LINGO2: variants seen among roughly 807,000 people sequenced by gnomAD.
LINGO2 encodes leucine rich repeat and Ig domain containing 2.
A neutral mutation model predicts 30.6 loss-of-function variants in LINGO2; 14 were observed. The observed-to-expected ratio is 0.46, with a 90% confidence interval of 0.30 to 0.72. The LOEUF is 0.72. Ranked by LOEUF, LINGO2 falls within the 30% of genes least tolerant of loss-of-function variation. The probability of loss-of-function intolerance (pLI) is 0.07; values close to 1 mark genes in which losing one functional copy is unlikely to be tolerated. For missense variants in LINGO2, 729 were observed against 751.7 expected, an observed-to-expected ratio of 0.97 and a Z score of 0.35; for synonymous variants, 317 against 288.5, an observed-to-expected ratio of 1.10 and a Z score of -1.00.
the LINGO2 span, among the ~76,000 whole-genome samples, chr9:28,780,830 A>ATGTGTGTGTGTGTG: frequency 7.8e-6 from 1 of 127,422 alleles, no homozygotes; most frequent in African/African-American, 2.7e-5. Context: ...CTTGGTAGTA[A>ATGTGTGTGTGTGTG]TGTGTGTGTG....
intron 2 of LINGO2, among the ~76,000 whole-genome samples, chr9:28,433,652 A>C (rs1823771606): frequency 6.6e-6 from 1 of 152,122 alleles, no homozygotes; most frequent in Non-Finnish European, 1.5e-5. Context: ...ATGTGGTGAA[A>C]AGGGAACACT....
At chr9:28,313,287 C>T (rs890418262) in intron 3 of LINGO2, among the ~76,000 whole-genome samples, 28 of 152,098 alleles carry the variant, frequency 1.8e-4, no homozygotes, top group Non-Finnish European at 3.5e-4. Context: ...AACTATTTAA[C>T]GAGAGGGGTC....
At chr9:29,176,623 T>C in the LINGO2 span, among the ~76,000 whole-genome samples, 1 of 152,200 alleles carries the variant, frequency 6.6e-6, no homozygotes, top group Non-Finnish European at 1.5e-5. Flanking sequence ...GCTTATCTAA[T>C]TACATTCTGT....
At chr9:28,682,127 G>A in the LINGO2 span, among the ~76,000 whole-genome samples, 2 of 152,088 alleles carry the variant, frequency 1.3e-5, no homozygotes, top group African/African-American at 4.8e-5. Flanking sequence ...TGCTTTCCTG[G>A]AATTGCTGAT....
intron 4 of LINGO2, among the ~76,000 whole-genome samples, chr9:28,248,038 G>A (rs75084139): frequency 0.019 from 2,886 of 152,260 alleles, 88 homozygotes; most frequent in East Asian, 0.12. Context: ...CCACTATGGT[G>A]AACAGTTTGA....
intron 2 of LINGO2, among the ~76,000 whole-genome samples, chr9:28,431,487 A>C (rs1020669841): frequency 6.6e-6 from 1 of 152,212 alleles, no homozygotes; most frequent in African/African-American, 2.4e-5. Flanking sequence ...ATTGTTTGGA[A>C]GAAAGAAACA....
the LINGO2 span, among the ~76,000 whole-genome samples, chr9:29,176,120 T>C: frequency 1.3e-5 from 2 of 152,186 alleles, no homozygotes; most frequent in Non-Finnish European, 2.9e-5. Context: ...ATTTTAAACA[T>C]ATTATCACAT....
the LINGO2 span, among the ~76,000 whole-genome samples, chr9:29,139,552 T>TTTC: frequency 6.6e-6 from 1 of 152,164 alleles, no homozygotes; most frequent in Non-Finnish European, 1.5e-5. Context: ...ATACTGTTGT[T>TTTC]ACCCAATGAA....
intron 4 of LINGO2, among the ~76,000 whole-genome samples, chr9:28,265,412 T>A (rs375296242): frequency 2.3e-4 from 35 of 152,082 alleles, no homozygotes; most frequent in African/African-American, 8.2e-4. Flanking sequence ...ATGTAATACA[T>A]GATTCTAAAC....
chr9:28,790,251 A>G, the LINGO2 span, among the ~76,000 whole-genome samples: 5 of 151,810 alleles, frequency 3.3e-5, no homozygotes, highest in South Asian at 4.2e-4. Flanking sequence ...TACGAGGTCA[A>G]TAGTAGTCTA....
intron 2 of LINGO2, among the ~76,000 whole-genome samples, chr9:28,408,956 T>A (rs1166891330): frequency 6.6e-6 from 1 of 151,970 alleles, no homozygotes; most frequent in Non-Finnish European, 1.5e-5. Context: ...TCTACAAACA[T>A]TATTAGAAAT....
chr9:29,078,574 A>G, the LINGO2 span, among the ~76,000 whole-genome samples: 1 of 152,100 alleles, frequency 6.6e-6, no homozygotes, highest in South Asian at 2.1e-4. Context: ...TCGGGAAATA[A>G]GAGTACAGCA....
intron 3 of LINGO2, among the ~76,000 whole-genome samples, chr9:28,320,390 C>T (rs1824995149): frequency 6.6e-6 from 1 of 152,162 alleles, no homozygotes; most frequent in Admixed American, 6.6e-5. Context: ...ATTAGTGAGA[C>T]ACCTGTGCAA....
At chr9:29,078,543 A>G in the LINGO2 span, among the ~76,000 whole-genome samples, 1 of 151,970 alleles carries the variant, frequency 6.6e-6, no homozygotes, top group Non-Finnish European at 1.5e-5. Flanking sequence ...TGACATTGGT[A>G]TTAGTCATCT....
chr9:29,110,553 T>C, the LINGO2 span, among the ~76,000 whole-genome samples: 10 of 151,948 alleles, frequency 6.6e-5, no homozygotes, highest in South Asian at 2.1e-4. Context: ...AGGATGATCT[T>C]GATCTCCTGA....
the LINGO2 span, among the ~76,000 whole-genome samples, chr9:29,146,485 C>T: frequency 2.0e-5 from 3 of 152,166 alleles, no homozygotes; most frequent in Non-Finnish European, 2.9e-5. Flanking sequence ...CTAATATTAA[C>T]ATGAACATAA....
chr9:29,022,594 T>C, the LINGO2 span, among the ~76,000 whole-genome samples: 151,869 of 152,322 alleles, frequency 1, 75,709 homozygotes, highest in Middle Eastern at 1. Context: ...AAAAAACAAG[T>C]AGTTTTTAAA....
intron 1 of LINGO2, among the ~76,000 whole-genome samples, chr9:28,617,849 T>C (rs1013233669): frequency 1.3e-5 from 2 of 152,202 alleles, no homozygotes; most frequent in African/African-American, 2.4e-5. Flanking sequence ...ATTCTACTTA[T>C]GTCTTTCCCC....
upstream of LINGO2, among the ~76,000 whole-genome samples, chr9:28,672,692 T>C (rs1829067535): frequency 2.6e-5 from 4 of 152,132 alleles, no homozygotes; most frequent in South Asian, 8.3e-4. Context: ...ATGTGAAAAT[T>C]ATTCAACTAA....
Sources: gnomAD v4.1 joint callset for allele counts (sites outside exome capture counted in the v4.1 genomes callset) on GRCh38, gnomAD v4.1.1 for gene constraint, MANE v1.5 for transcripts, NCBI Gene and HGNC (gene_info 2026-07-23, HGNC 2026-07-21) for gene names.